The following SEMA4C variants were observed in gnomAD, a reference collection of about 807,000 sequenced individuals.
The protein encoded by SEMA4C is semaphorin-4C.
SEMA4C carries 19 observed loss-of-function variants against 89.0 expected under a neutral mutation model. The observed-to-expected ratio is 0.21, with a 90% CI of 0.15 to 0.31. The LOEUF is 0.31. Ranked by LOEUF, SEMA4C falls within the 10% of genes least tolerant of loss-of-function variation. The pLI is 1.00. For synonymous variants in SEMA4C, 428 were observed against 472.7 expected, an observed-to-expected ratio of 0.91 and a Z score of 1.23; for missense variants, 811 against 1,107.0, an observed-to-expected ratio of 0.73 and a Z score of 3.79.
rs2080069097 is a variant in SEMA4C at position 96,866,298 on chromosome 2, C to T, written c.243G>A (p.Leu81=). Residue 81 remains leucine (L), a synonymous_variant, in exon 3 of 15, where the codon CTG becomes CTA. Coordinates refer to ENST00000305476, the MANE Select transcript of SEMA4C (RefSeq NM_017789.5). The stretch of plus-strand genomic sequence containing the variant: ...CACCTCTCACCGCTCCTTGCAGCTC[C>T]AGGGCCTCCATGCTGAAGGCAAACA... ...EALFAFSMEA[L]ELQGAISWEA... is the part of the protein sequence containing the mutation. 19 of 1,611,602 alleles carry T rather than the reference C, an allele frequency of 1.2e-5. No individual in the cohort carries two copies. Among genetic ancestry groups the T allele is most frequent in the Non-Finnish European group, 1.6e-5 (19 of 1,178,188 alleles).
In SEMA4C at chr2:96,861,936, C is replaced by G; in HGVS notation, c.1444-42G>C. The G allele has an allele frequency of 6.4e-7, 1 of 1,566,294 alleles. No individual in the cohort carries two copies. ...GCGCAGGAGGGGGGTCGGCCAGGGC[C>G]ACACCACGGGAGGGGCGGCCGGACC... On this transcript the variant is annotated intron_variant, in intron 12 of 14. Coordinates refer to ENST00000305476, the MANE Select transcript of SEMA4C (RefSeq NM_017789.5). This position sits in a 1 kb window ranked among gnomAD's most constrained non-coding sequence, Gnocchi z 7.8.
chr2:96,863,615 C>G (rs1028889820), intron 12 of SEMA4C, 67 bp downstream of exon 12: 40 of 1,483,376 alleles, frequency 2.7e-5, no homozygotes, highest in Middle Eastern at 1.7e-4. Context: ...CTGGGAGAAG[C>G]AGCCAGATGG....
chr2:96,863,900 C>T lies in SEMA4C; in HGVS notation c.1330+26G>A, dbSNP rs565271495. On this transcript the variant is annotated intron_variant, in intron 11 of 14. Coordinates refer to ENST00000305476, the MANE Select transcript of SEMA4C (RefSeq NM_017789.5). ...CGGGCTTCTGCCCAGCCTTGAGCAG[C>T]CATGCCTGCATACCCATGCACCCAC... 5 of 1,598,426 alleles carry T rather than the reference C, an allele frequency of 3.1e-6. No individual in the cohort carries two copies. The South Asian group carries it at 4.5e-5, about 14-fold the overall frequency.
intron 12 of SEMA4C, chr2:96,862,121 C>T (rs2153362383): frequency 1.8e-6 from 1 of 545,122 alleles, no homozygotes; most frequent in Middle Eastern, 4.8e-4. Flanking sequence ...ATCCTAAGCC[C>T]CTTATCGACG....
chr2:96,870,271 G>A (rs1434792080), upstream of SEMA4C: 2 of 985,398 alleles, frequency 2.0e-6, no homozygotes, highest in Admixed American at 6.1e-5. Flanking sequence ...ACCCCTCCGG[G>A]TGTCCAGCAG....
Position 96,860,971 on chromosome 2 carries a change from G to A in SEMA4C, c.2157C>T (p.Pro719=). 6.2e-7 allele frequency: 1 copy of A among 1,613,010 alleles called. No homozygotes were observed. The highest frequency in any genetic ancestry group is 2.2e-5 in the East Asian group (1 of 44,884). The change falls in exon 15 of 15, where the codon CCC becomes CCT. Residue 719 remains proline, a synonymous_variant. Coordinates refer to ENST00000305476, the MANE Select transcript of SEMA4C (RefSeq NM_017789.5). Reference sequence around the variant, plus strand: ...CATCTGGTTCAGGACAGGGCCGGAAGGGGGGACTGGTGGGCTCCTTGGGCA... The same window carrying A: ...CATCTGGTTCAGGACAGGGCCGGAAAGGGGGACTGGTGGGCTCCTTGGGCA... The part of the protein sequence containing the change: ...LELPKEPTSP[P]FRPCPEPDEK...
At chr2:96,870,369 C>A, upstream of SEMA4C, 1 of 941,030 alleles carries the variant, frequency 1.1e-6, no homozygotes, top group Non-Finnish European at 1.3e-6. Context: ...ACGGGGGAAT[C>A]ACACTCACCC....
chr2:96,861,007 G>A lies in SEMA4C; in HGVS notation c.2121C>T (p.Tyr707=), dbSNP rs140107070. ...TGGGCTCCTTGGGCAGCTCCAGGGG[G>A]TACACCAAGGTCCTCTCAGTAGCCT... The part of the protein sequence containing the change: ...GAKATERTLV[Y]PLELPKEPTS... The change falls in exon 15 of 15, where the codon TAC becomes TAT. Residue 707 remains tyrosine (Y), a synonymous_variant. Transcript: ENST00000305476. This position sits in a 1 kb window ranked among gnomAD's most constrained non-coding sequence, Gnocchi z 7.8. The A allele has an allele frequency of 1.1e-4, 176 of 1,612,784 alleles. No homozygotes were observed. Among genetic ancestry groups the A allele is most frequent in the Middle Eastern group, 1.6e-4 (1 of 6,084 alleles).
At position 96,860,498 on chromosome 2, in the gene SEMA4C, G is replaced by A. The variant is rs1043588944; in HGVS notation, c.*128C>T. 36 of 833,546 alleles carry A rather than the reference G, an allele frequency of 4.3e-5. No homozygotes were observed. The highest frequency in any genetic ancestry group is 7.0e-4 in the Middle Eastern group (2 of 2,860). 51.6% of individuals were successfully genotyped at this position (833,546 alleles called of 1,614,324 possible). ...GAGCAGAGCAGGTCCTCATGGCCGG[G>A]TGGGTGCTGGGCAGTATCTGTCCCA... On this transcript the variant is annotated 3_prime_UTR_variant, in exon 15 of 15. Transcript: ENST00000305476.
Position 96,860,362 on chromosome 2 carries a change from A to G in SEMA4C, c.*264T>C. The G allele has an allele frequency of 2.0e-6, 1 of 501,252 alleles. No homozygotes were observed. Among genetic ancestry groups the G allele is most frequent in the East Asian group, 3.2e-5 (1 of 31,708 alleles). 31.1% of individuals were successfully genotyped at this position (501,252 alleles called of 1,614,324 possible). A position where few individuals can be genotyped will look rare whatever the true frequency, so the allele number is the denominator to read the frequency against. ...CACACATCTTGAAACTTCTGCCTTG[A>G]AAAGTTTTGGCGGCTGGGGTCCCGC... is the stretch of plus-strand genomic sequence containing the variant. On this transcript the variant is annotated 3_prime_UTR_variant, in exon 15 of 15. Coordinates refer to ENST00000305476, the MANE Select transcript of SEMA4C (RefSeq NM_017789.5).
intron 3 of SEMA4C, 22 bp downstream of exon 3, chr2:96,866,261 C>T (rs1324852022): frequency 5.6e-6 from 9 of 1,594,704 alleles, no homozygotes; most frequent in Non-Finnish European, 6.9e-6. Context: ...GCCCGACTGC[C>T]TCCCACTGCC....
chr2:96,868,768 G>C, intron 1 of SEMA4C: 1 of 985,108 alleles, frequency 1.0e-6, no homozygotes, highest in Non-Finnish European at 1.2e-6. Flanking sequence ...GGGGACGCGA[G>C]GGGGTTCCTC....
chr2:96,864,758 C>T lies in SEMA4C; in HGVS notation c.909G>A (p.Leu303=), dbSNP rs752978770. 6.2e-7 allele frequency: 1 copy of T among 1,613,874 alleles called. No individual in the cohort carries two copies. Among genetic ancestry groups the T allele is most frequent in the Non-Finnish European group, 8.5e-7 (1 of 1,179,926 alleles). ...YFNQLQAMHT[L]QDTSWHNTTF... ...TGGTGTTGTGCCAGGAGGTGTCCTG[C>T]AGGGTGTGCATCGCCTGCAGCTGGT... is the stretch of plus-strand genomic sequence containing the variant. Residue 303 remains leucine, a synonymous_variant, in exon 9 of 15, where the codon CTG becomes CTA. Coordinates refer to ENST00000305476, the MANE Select transcript of SEMA4C (RefSeq NM_017789.5). The surrounding 1 kb of genome is among the most constrained non-coding windows in gnomAD (Gnocchi z 6.3).
rs891471920 is a variant in SEMA4C at position 96,865,100 on chromosome 2, C to T, written c.650G>A (p.Gly217Asp). Reference sequence around the variant, plus strand: ...CACACTCTCAGGTACATAGGCAGAGCCTACAAAGTGAGGTTCTGTGGGAAG... The same window carrying T: ...CACACTCTCAGGTACATAGGCAGAGTCTACAAAGTGAGGTTCTGTGGGAAG... The part of the protein sequence containing the change: ...AFWLNEPHFV[G>D]SAYVPESVGS... Residue 217 changes from glycine (G) to aspartate (D), a missense_variant, in exon 8 of 15, where the codon GGC becomes GAC. By Grantham distance (94) the Gly-to-Asp change is moderately conservative. This residue lies in a region of SEMA4C where 441 missense variants were observed against 664.9 expected (regional missense o/e 0.66). Coordinates refer to ENST00000305476, the MANE Select transcript of SEMA4C (RefSeq NM_017789.5). 5 of 1,570,448 alleles carry T rather than the reference C, an allele frequency of 3.2e-6. No individual in the cohort carries two copies. The South Asian group carries it at 3.5e-5, about 11-fold the overall frequency.
rs752690082 is a variant in SEMA4C, at chr2:96,865,423, T to C, written c.517+18A>G. On this transcript the variant is annotated intron_variant, in intron 6 of 14. Coordinates refer to ENST00000305476, the MANE Select transcript of SEMA4C (RefSeq NM_017789.5). Reference sequence around the variant, plus strand: ...GCCCCAAGGACTCACCCAGCCTGCATGGGGGGCAGCCACTCACCCACAAGA... The same window carrying C: ...GCCCCAAGGACTCACCCAGCCTGCACGGGGGGCAGCCACTCACCCACAAGA... The C allele has an allele frequency of 6.2e-7, 1 of 1,612,416 alleles. No homozygotes were observed. The highest frequency in any genetic ancestry group is 1.1e-5 in the South Asian group (1 of 91,062).
chr2:96,870,223 G>A (rs1340865123), upstream of SEMA4C: 4 of 985,204 alleles, frequency 4.1e-6, no homozygotes, highest in Non-Finnish European at 3.6e-6. Flanking sequence ...CTCCGCCCGG[G>A]GGCTCGGACC....
intron 12 of SEMA4C, chr2:96,862,668 C>T (rs1338426271): frequency 6.6e-6 from 1 of 152,264 alleles, no homozygotes; most frequent in Non-Finnish European, 1.5e-5. Context: ...CGAGACCATC[C>T]TGGCTAACAC....
Position 96,861,924 on chromosome 2 carries a change from G to A in SEMA4C, c.1444-30C>T. Reference sequence around the variant, plus strand: ...GAGAAAAGCGGGGCGCAGGAGGGGGGTCGGCCAGGGCCACACCACGGGAGG... The same window carrying A: ...GAGAAAAGCGGGGCGCAGGAGGGGGATCGGCCAGGGCCACACCACGGGAGG... On this transcript the variant is annotated intron_variant, in intron 12 of 14. Coordinates refer to ENST00000305476, the MANE Select transcript of SEMA4C (RefSeq NM_017789.5). This position sits in a 1 kb window ranked among gnomAD's most constrained non-coding sequence, Gnocchi z 7.8. The A allele has an allele frequency of 6.3e-7, 1 of 1,578,392 alleles. No individual in the cohort carries two copies. Among genetic ancestry groups the A allele is most frequent in the Non-Finnish European group, 8.6e-7 (1 of 1,163,194 alleles).
At chr2:96,866,010 A>G in intron 3 of SEMA4C, 81 bp from the exon 4 acceptor site, 1 of 1,436,414 alleles carries the variant, frequency 7.0e-7, no homozygotes, top group Non-Finnish European at 9.7e-7. Context: ...CAGCAGCAAC[A>G]CAGGGACGCC....
Sources: allele counts gnomAD v4.1 joint callset, GRCh38; gene constraint gnomAD v4.1.1; regional missense constraint gnomAD v4.1.1; non-coding constraint Gnocchi (gnomAD v3.1); transcripts MANE v1.5; gene names NCBI Gene and HGNC (gene_info 2026-07-23, HGNC 2026-07-21).